Variants in RCBTB1 observed in about 807,000 individuals in gnomAD.
RCBTB1 encodes the protein RCC1 and BTB domain-containing protein 1.
RCBTB1 carries 46 observed loss-of-function variants against 62.4 expected under a neutral mutation model. The ratio of observed to expected loss-of-function variants is 0.74; its 90% confidence interval spans 0.58 to 0.94. The LOEUF is 0.94. Among genes scored for constraint, RCBTB1 ranks in the 40% least tolerant of loss-of-function variants. RCBTB1 has a pLI of 0.00. For missense variants in RCBTB1, 565 were observed against 654.9 expected, an observed-to-expected ratio of 0.86 and a Z score of 1.50; for synonymous variants, 222 against 245.8, an observed-to-expected ratio of 0.90 and a Z score of 0.91.
intron 9 of RCBTB1, among the ~76,000 whole-genome samples, chr13:49,548,122 T>C (rs1247199911): frequency 1.3e-5 from 2 of 152,050 alleles, no homozygotes; most frequent in Non-Finnish European, 2.9e-5. Context: ...CCAGGCGCAG[T>C]GGCTCACGCC....
chr13:49,563,882 AC>A (rs1008700830), intron 4 of RCBTB1, among the ~76,000 whole-genome samples: 1 of 152,240 alleles, frequency 6.6e-6, no homozygotes, highest in African/African-American at 2.4e-5. Context: ...AAAACCTGTG[AC>A]AGCATTCTAG....
chr13:49,560,612 ATTT>A (rs60783473), intron 4 of RCBTB1, among the ~76,000 whole-genome samples: 2 of 148,284 alleles, frequency 1.3e-5, no homozygotes, highest in Non-Finnish European at 1.5e-5. Flanking sequence ...ATCTGGCTGA[ATTT>A]TTTTTTTTTT....
chr13:49,549,168 T>C (rs1961097639), intron 9 of RCBTB1, among the ~76,000 whole-genome samples: 1 of 149,776 alleles, frequency 6.7e-6, no homozygotes, highest in Non-Finnish European at 1.5e-5. Context: ...TACAACATTA[T>C]GAATGTTCTA....
intron 9 of RCBTB1, chr13:49,547,060 T>C (rs752063585): frequency 3.8e-5 from 48 of 1,264,216 alleles, no homozygotes; most frequent in Non-Finnish European, 4.8e-5. Context: ...AAGTAGTATA[T>C]ACAAATCTGA....
intron 10 of RCBTB1, among the ~76,000 whole-genome samples, chr13:49,544,108 T>C (rs901799814): frequency 6.6e-6 from 1 of 152,224 alleles, no homozygotes; most frequent in Non-Finnish European, 1.5e-5. Context: ...TAACAACCTT[T>C]TGTATTTTCT....
chr13:49,544,635 T>C, intron 10 of RCBTB1, 102 bp downstream of exon 10: 1 of 923,682 alleles, frequency 1.1e-6, no homozygotes, highest in Non-Finnish European at 1.6e-6. Context: ...GTAGTGACAT[T>C]TCTCTCTACT....
At chr13:49,566,048 G>C in intron 4 of RCBTB1, among the ~76,000 whole-genome samples, 1 of 143,612 alleles carries the variant, frequency 7.0e-6, no homozygotes, top group Non-Finnish European at 1.5e-5. Context: ...TTGTTAAACA[G>C]ATGCTTGAAG....
At chr13:49,557,155 T>C (rs1171270185) in intron 5 of RCBTB1, among the ~76,000 whole-genome samples, 1 of 152,204 alleles carries the variant, frequency 6.6e-6, no homozygotes, top group Non-Finnish European at 1.5e-5. Context: ...GTAACATCAC[T>C]GAGGGACTTC....
intron 6 of RCBTB1, among the ~76,000 whole-genome samples, 182 bp downstream of exon 6, chr13:49,555,333 A>G (rs918876548): frequency 2.0e-5 from 3 of 152,256 alleles, no homozygotes; most frequent in African/African-American, 4.8e-5. Flanking sequence ...CCTGGAATTT[A>G]GAAAAGTCAT....
In RCBTB1 at chr13:49,549,068, G is replaced by C. The variant is rs1407456096; in HGVS notation, c.1045+390C>G. 1.7e-4 allele frequency among the ~76,000 whole-genome samples: 16 copies of C among 96,938 alleles called. 2 individuals carry two copies. The South Asian group carries it at 2.4e-3, about 15-fold the overall frequency. 63.6% of individuals were successfully genotyped at this position (96,938 alleles called of 152,430 possible). A position where few individuals can be genotyped will look rare whatever the true frequency, so the allele number is the denominator to read the frequency against. On this transcript the variant is annotated intron_variant, in intron 9 of 12. Coordinates refer to ENST00000378302, the MANE Select transcript of RCBTB1 (RefSeq NM_018191.4). The stretch of plus-strand genomic sequence containing the variant: ...AATCTCTTGAACTCGGGAGGTGGAG[G>C]TTGCAGTGAGCCGAGATTGCACCAC...
At chr13:49,553,491 C>T (rs951793526) in intron 6 of RCBTB1, among the ~76,000 whole-genome samples, 6 of 152,056 alleles carry the variant, frequency 3.9e-5, no homozygotes, top group Admixed American at 6.6e-5. Context: ...ACGTGACAGT[C>T]CCTTGGATAT....
At chr13:49,540,778 G>T in intron 12 of RCBTB1, 98 bp downstream of exon 12, 1 of 1,301,686 alleles carries the variant, frequency 7.7e-7, no homozygotes. Flanking sequence ...AACAGAAGTG[G>T]AGTGACTCAT....
At chr13:49,561,220 C>G (rs992421539) in intron 4 of RCBTB1, among the ~76,000 whole-genome samples, 3 of 152,144 alleles carry the variant, frequency 2.0e-5, no homozygotes, top group Admixed American at 1.3e-4. Context: ...AGGGCAACAG[C>G]AGAAATCCAA....
chr13:49,564,890 CAAAA>C (rs35078637), intron 4 of RCBTB1, among the ~76,000 whole-genome samples: 4,180 of 141,762 alleles, frequency 0.029, 109 homozygotes, highest in East Asian at 0.11. Flanking sequence ...GACTCCGTCT[CAAAA>C]AAAAAAAGAA....
chr13:49,563,661 G>A (rs56850432), intron 4 of RCBTB1, among the ~76,000 whole-genome samples: 1 of 151,488 alleles, frequency 6.6e-6, no homozygotes, highest in East Asian at 1.9e-4. Flanking sequence ...TGTCTCAAAA[G>A]AAAAAAAAGG....
intron 1 of RCBTB1, among the ~76,000 whole-genome samples, chr13:49,581,291 C>T (rs1371449877): frequency 2.0e-5 from 3 of 151,802 alleles, no homozygotes; most frequent in African/African-American, 7.3e-5. Context: ...GAAAATTGAA[C>T]AAGAAGGAAA....
At chr13:49,553,662 A>G (rs1461770453) in intron 6 of RCBTB1, among the ~76,000 whole-genome samples, 1 of 152,230 alleles carries the variant, frequency 6.6e-6, no homozygotes, top group African/African-American at 2.4e-5. Flanking sequence ...ATCGAGCCCC[A>G]CAGCAATGTA....
At chr13:49,562,776 CTTTTTTTTTTTTTTTT>C in intron 4 of RCBTB1, among the ~76,000 whole-genome samples, 1 of 61,344 alleles carries the variant, frequency 1.6e-5, no homozygotes, top group South Asian at 5.6e-4. Flanking sequence ...CCATCCCCGG[CTTTTTTTTTTTTTTTT>C]TTTTTTTTTT....
At chr13:49,573,331 C>G (rs1314256397) in intron 2 of RCBTB1, among the ~76,000 whole-genome samples, 1 of 152,108 alleles carries the variant, frequency 6.6e-6, no homozygotes, top group African/African-American at 2.4e-5. Flanking sequence ...GGCCTGCCAT[C>G]CCCACTTCTT....
Sources: allele counts gnomAD v4.1 joint callset (sites outside exome capture counted in the v4.1 genomes callset), GRCh38; gene constraint gnomAD v4.1.1; transcripts MANE v1.5; gene names NCBI Gene and HGNC (gene_info 2026-07-23, HGNC 2026-07-21).